Variants in KIAA0825 observed in about 807,000 individuals in gnomAD.
KIAA0825 encodes uncharacterized protein KIAA0825.
In KIAA0825, 119 loss-of-function variants were observed where a neutral mutation model predicts 147.6. The observed-to-expected ratio is 0.81, with a 90% CI of 0.69 to 0.94. The LOEUF (loss-of-function observed/expected upper bound fraction) is 0.94. Among genes scored for constraint, KIAA0825 ranks in the 40% least tolerant of loss-of-function variants. The pLI is 0.00. For missense variants in KIAA0825, 1,381 were observed against 1,472.7 expected (o/e 0.94, Z 1.02); for synonymous variants, 470 against 518.1 (o/e 0.91, Z 1.26).
intron 2 of KIAA0825, among the ~76,000 whole-genome samples, chr5:94,546,819 C>T (rs927078596): frequency 1.0e-4 from 14 of 140,118 alleles, no homozygotes; most frequent in African/African-American, 3.4e-4. Flanking sequence ...AAAAAAAATC[C>T]GCAAGCATCA....
intron 14 of KIAA0825, among the ~76,000 whole-genome samples, chr5:94,422,123 C>G (rs1329761370): frequency 2.6e-5 from 4 of 152,116 alleles, no homozygotes; most frequent in Non-Finnish European, 5.9e-5. Flanking sequence ...AATATGGCAC[C>G]TTGGCATTTG....
intron 14 of KIAA0825, among the ~76,000 whole-genome samples, chr5:94,435,806 TA>T (rs752383144): frequency 1.3e-5 from 2 of 152,194 alleles, no homozygotes; most frequent in Non-Finnish European, 2.9e-5. Context: ...TTTTTAATGA[TA>T]GCCATTCTGA....
At chr5:94,222,064 A>G (rs1284936023) in intron 20 of KIAA0825, among the ~76,000 whole-genome samples, 1 of 152,164 alleles carries the variant, frequency 6.6e-6, no homozygotes. Flanking sequence ...CCCCTTGGCT[A>G]CACAGGTCTA....
intron 20 of KIAA0825, among the ~76,000 whole-genome samples, chr5:94,345,913 G>T (rs941247280): frequency 1.3e-5 from 2 of 152,028 alleles, no homozygotes; most frequent in Non-Finnish European, 2.9e-5. Flanking sequence ...GAGCAAGCAG[G>T]GGGTACGTGA....
At chr5:94,428,074 T>C (rs1451223773) in intron 14 of KIAA0825, among the ~76,000 whole-genome samples, 2 of 152,200 alleles carry the variant, frequency 1.3e-5, no homozygotes, top group South Asian at 2.1e-4. Flanking sequence ...TCCAACACTT[T>C]ACTTTGAGCC....
intron 20 of KIAA0825, among the ~76,000 whole-genome samples, chr5:94,276,834 G>A (rs1487404982): frequency 6.6e-6 from 1 of 152,034 alleles, no homozygotes. Flanking sequence ...CAGAGGAGTG[G>A]TTATTCTCTG....
At chr5:94,278,580 C>T (rs1777322205) in intron 20 of KIAA0825, among the ~76,000 whole-genome samples, 1 of 152,026 alleles carries the variant, frequency 6.6e-6, no homozygotes, top group African/African-American at 2.4e-5. Flanking sequence ...GTTGAGTTAG[C>T]CTTTTTCTTA....
intron 20 of KIAA0825, among the ~76,000 whole-genome samples, chr5:94,297,631 T>C (rs1451648737): frequency 6.6e-6 from 1 of 152,070 alleles, no homozygotes; most frequent in Non-Finnish European, 1.5e-5. Context: ...AGTCTCAATC[T>C]GTCGCCCGGG....
intron 20 of KIAA0825, among the ~76,000 whole-genome samples, chr5:94,369,763 C>T (rs1562426034): frequency 6.6e-6 from 1 of 152,160 alleles, no homozygotes; most frequent in Non-Finnish European, 1.5e-5. Context: ...GACACGATCT[C>T]ATTTCAGAAT....
intron 20 of KIAA0825, among the ~76,000 whole-genome samples, chr5:94,347,402 C>T (rs1303641696): frequency 2.0e-5 from 3 of 152,204 alleles, no homozygotes; most frequent in African/African-American, 7.2e-5. Flanking sequence ...GAGTTCATTG[C>T]ACCCCCTGCC....
At chr5:94,299,565 T>C (rs1778292767) in intron 20 of KIAA0825, among the ~76,000 whole-genome samples, 1 of 152,108 alleles carries the variant, frequency 6.6e-6, no homozygotes, top group Non-Finnish European at 1.5e-5. Context: ...TTGTTTCAGG[T>C]TAACATATAG....
intron 20 of KIAA0825, among the ~76,000 whole-genome samples, chr5:94,258,356 A>T (rs1054895754): frequency 1.3e-5 from 2 of 152,018 alleles, no homozygotes; most frequent in Admixed American, 1.3e-4. Context: ...CTTTTCCCCT[A>T]ACCTGAAAGT....
chr5:94,176,036 T>G (rs1343018917), intron 20 of KIAA0825, among the ~76,000 whole-genome samples: 1 of 152,172 alleles, frequency 6.6e-6, no homozygotes. Flanking sequence ...TAAATCCCCT[T>G]GCTGTGGTTT....
intron 2 of KIAA0825, among the ~76,000 whole-genome samples, chr5:94,544,781 T>C (rs1774006572): frequency 6.6e-6 from 1 of 150,864 alleles, no homozygotes; most frequent in African/African-American, 2.4e-5. Context: ...ATGTACAGAG[T>C]GTCAGGAAGG....
At chr5:94,327,433 T>C (rs1422729721) in intron 20 of KIAA0825, among the ~76,000 whole-genome samples, 1 of 152,176 alleles carries the variant, frequency 6.6e-6, no homozygotes, top group African/African-American at 2.4e-5. Context: ...AACTCATTTC[T>C]ATCTCTTCAT....
intron 18 of KIAA0825, among the ~76,000 whole-genome samples, chr5:94,388,693 TCTC>T (rs1749507821): frequency 6.6e-6 from 1 of 152,192 alleles, no homozygotes; most frequent in Admixed American, 6.5e-5. Context: ...AATGGAATGT[TCTC>T]CTTTGTTGAT....
chr5:94,494,549 C>T lies in KIAA0825; in HGVS notation c.971-9619G>A, dbSNP rs115157142. ...AAATACTTAGATATGCTTAGATATG[C>T]TGACACTTTGAGGGAACATCCTAAT... On this transcript the variant is annotated intron_variant, in intron 5 of 20. Transcript: ENST00000682413. 6.3e-3 allele frequency among the ~76,000 whole-genome samples: 955 copies of T among 152,162 alleles called. 14 individuals are homozygous for T. The highest frequency in any genetic ancestry group is 0.021 in the African/African-American group (883 of 41,508).
chr5:94,214,499 G>A (rs867705801), intron 20 of KIAA0825, among the ~76,000 whole-genome samples: 4 of 152,138 alleles, frequency 2.6e-5, no homozygotes, highest in Middle Eastern at 3.4e-3. Context: ...CCCAATACCT[G>A]AAGTGTTCGA....
At chr5:94,407,562 T>C (rs1752223872) in intron 15 of KIAA0825, among the ~76,000 whole-genome samples, 1 of 152,072 alleles carries the variant, frequency 6.6e-6, no homozygotes, top group Non-Finnish European at 1.5e-5. Flanking sequence ...ACCTTGAAAA[T>C]ATTGTACTAA....
Sources: allele counts gnomAD v4.1 joint callset (sites outside exome capture counted in the v4.1 genomes callset), GRCh38; gene constraint gnomAD v4.1.1; transcripts MANE v1.5; gene names NCBI Gene and HGNC (gene_info 2026-07-23, HGNC 2026-07-21).